The following ZNF286A variants were observed in gnomAD, a reference collection of about 807,000 sequenced individuals.
ZNF286A encodes zinc finger protein 286A.
ZNF286A carries 34 observed loss-of-function variants against 49.3 expected under a neutral mutation model. The ratio of observed to expected loss-of-function variants is 0.69; its 90% CI spans 0.52 to 0.92. ZNF286A has a LOEUF of 0.92. ZNF286A is among the 40% of genes least tolerant of loss of function. ZNF286A has a pLI of 0.00. For missense variants in ZNF286A, 462 were observed against 600.2 expected (o/e 0.77, Z 2.41); for synonymous variants, 155 against 200.4 (o/e 0.77, Z 1.91).
At chr17:15,711,935 G>A (rs1320522516) in intron 5 of ZNF286A, among the ~76,000 whole-genome samples, 1 of 139,590 alleles carries the variant, frequency 7.2e-6, no homozygotes, top group South Asian at 2.2e-4. Context: ...GCAGTGGTGC[G>A]ATCTTGGCTC....
intron 2 of ZNF286A, among the ~76,000 whole-genome samples, 155 bp from the exon 3 acceptor site, chr17:15,700,997 G>C (rs556972669): frequency 6.8e-6 from 1 of 146,766 alleles, no homozygotes; most frequent in South Asian, 2.3e-4. Context: ...CATATCCCGG[G>C]AAGAGGGTCC....
At chr17:15,709,775 A>G (rs1455371891) in intron 5 of ZNF286A, 2 of 1,535,404 alleles carry the variant, frequency 1.3e-6, no homozygotes, top group African/African-American at 2.8e-5. Context: ...TCATAAGTCC[A>G]CTGTATGAAT....
chr17:15,701,105 T>G (rs1306302189), intron 2 of ZNF286A, 47 bp from the exon 3 acceptor site: 1 of 1,580,992 alleles, frequency 6.3e-7, no homozygotes, highest in Admixed American at 1.7e-5. Flanking sequence ...TAAATCTGAG[T>G]GGCACGTTAA....
At chr17:15,705,948 C>A (rs1198542576) in intron 3 of ZNF286A, among the ~76,000 whole-genome samples, 1 of 152,142 alleles carries the variant, frequency 6.6e-6, no homozygotes, top group Non-Finnish European at 1.5e-5. Flanking sequence ...TCTCCATTTA[C>A]AAGTTCTGTA....
chr17:15,711,873 C>CT (rs769063767), intron 5 of ZNF286A, among the ~76,000 whole-genome samples: 21,734 of 79,546 alleles, frequency 0.27, 3,882 homozygotes, highest in East Asian at 0.5. Flanking sequence ...CCCCCCCCGG[C>CT]TTTTTTTTTT....
At chr17:15,705,711 G>T (rs1226032988) in intron 3 of ZNF286A, among the ~76,000 whole-genome samples, 1 of 152,068 alleles carries the variant, frequency 6.6e-6, no homozygotes, top group East Asian at 1.9e-4. Context: ...TATTCCTGTT[G>T]TCTATGGGTT....
chr17:15,708,590 C>G (rs1990418584), intron 5 of ZNF286A, among the ~76,000 whole-genome samples: 1 of 152,204 alleles, frequency 6.6e-6, no homozygotes, highest in South Asian at 2.1e-4. Context: ...TTACCAGCGC[C>G]TCTAGAAGCA....
At chr17:15,699,948 G>T (rs1989640500) in intron 1 of ZNF286A, 171 bp downstream of exon 1, 1 of 625,060 alleles carries the variant, frequency 1.6e-6, no homozygotes, top group South Asian at 1.9e-5. Context: ...CGGGGGACGC[G>T]GTTGTGCCAC....
At chr17:15,712,116 C>T (rs1305044712) in intron 5 of ZNF286A, among the ~76,000 whole-genome samples, 1 of 152,222 alleles carries the variant, frequency 6.6e-6, no homozygotes, top group Non-Finnish European at 1.5e-5. Context: ...TCATGATCCG[C>T]CCTCCTTGGC....
intron 5 of ZNF286A, among the ~76,000 whole-genome samples, chr17:15,714,015 T>G (rs1966897797): frequency 6.6e-6 from 1 of 152,104 alleles, no homozygotes; most frequent in African/African-American, 2.4e-5. Flanking sequence ...CTCAAATGAT[T>G]GCATGGTATA....
chr17:15,700,900 T>C (rs1321002925), intron 2 of ZNF286A, among the ~76,000 whole-genome samples: 1 of 115,686 alleles, frequency 8.6e-6, no homozygotes, highest in Admixed American at 8.5e-5. Context: ...ACTGACATAT[T>C]CTAATTTCTA....
chr17:15,706,326 C>A, intron 3 of ZNF286A, 61 bp from the exon 4 acceptor site: 1 of 1,415,914 alleles, frequency 7.1e-7, no homozygotes, highest in Non-Finnish European at 9.9e-7. Context: ...CCAGCAGAAA[C>A]TGGGGGATGA....
Position 15,718,617 on chromosome 17 carries a change from G to A in ZNF286A, c.*1327G>A, listed in dbSNP as rs1416471825. 3 of 151,386 alleles carry A rather than the reference G, an allele frequency of 2.0e-5. No homozygotes were observed. The highest frequency in any genetic ancestry group is 3.9e-4 in the East Asian group (2 of 5,148). 9.4% of individuals were successfully genotyped at this position (151,386 alleles called of 1,614,324 possible). ...CCTGTATGAGTGGAAAACAAGGCAC[G>A]GAAAATAGCTCACAGGATAGTCCTC... On this transcript the variant is annotated 3_prime_UTR_variant, in exon 6 of 6. Transcript: ENST00000583566.
rs745512945 is a variant in ZNF286A at position 15,716,290 on chromosome 17, A to G, written c.566A>G (p.His189Arg). The change falls in exon 6 of 6, where the codon CAT (histidine) becomes CGT (arginine). Residue 189 changes from histidine to arginine, a missense_variant. His to Arg is a conservative substitution (Grantham distance 29). Around this residue, in one of 3 missense-constraint regions of ZNF286A, gnomAD observed 259 missense variants for 272.2 expected, o/e 0.95. Transcript: ENST00000583566. ...AATTCACTCTCTGAGGAAACAGACC[A>G]TAAGCATGATGTATACTGGAAAAGC... ...HMNSLSEETD[H>R]KHDVYWKSFN... 5.6e-5 allele frequency: 91 copies of G among 1,613,934 alleles called. No individual in the cohort carries two copies. The highest frequency in any genetic ancestry group is 1.2e-4 in the Admixed American group (7 of 60,020).
At chr17:15,715,274 A>C (rs1216152329) in intron 5 of ZNF286A, among the ~76,000 whole-genome samples, 2 of 148,274 alleles carry the variant, frequency 1.3e-5, no homozygotes, top group Non-Finnish European at 3.0e-5. Flanking sequence ...TTTTTTCTTT[A>C]TAAAAAAGTA....
Position 15,709,735 on chromosome 17 carries a change from ATTATG to A in ZNF286A, c.334+1493_334+1497del. The A allele has an allele frequency of 8.3e-6, 11 of 1,323,498 alleles. No individual in the cohort carries two copies. In the South Asian group the frequency reaches 1.3e-4, roughly 16 times the overall value. 82.0% of individuals were successfully genotyped at this position (1,323,498 alleles called of 1,614,324 possible). On this transcript the variant is annotated intron_variant, in intron 5 of 5. Transcript: ENST00000583566. ...TATTAATCTATGTTAATATATATGAATTATGTTATTCATTTTAACTACTGTGGAGT... is the reference window on the plus strand; with the variant it reads ...TATTAATCTATGTTAATATATATGAATTATTCATTTTAACTACTGTGGAGT...
chr17:15,713,788 C>T (rs1267007340), intron 5 of ZNF286A, among the ~76,000 whole-genome samples: 3 of 150,808 alleles, frequency 2.0e-5, no homozygotes, highest in Non-Finnish European at 2.9e-5. Context: ...ATCAAGCTCT[C>T]GGTGGTAAAT....
chr17:15,713,011 A>G (rs1966869133), intron 5 of ZNF286A, among the ~76,000 whole-genome samples: 1 of 152,144 alleles, frequency 6.6e-6, no homozygotes. Context: ...GACCCTAAAG[A>G]TGTTTGATTT....
chr17:15,703,491 G>A (rs2151453203), intron 3 of ZNF286A, among the ~76,000 whole-genome samples: 1 of 151,688 alleles, frequency 6.6e-6, no homozygotes, highest in East Asian at 1.9e-4. Context: ...GTTCTTCAAT[G>A]TAATAAAGTG....
Sources: gnomAD v4.1 joint callset for allele counts (sites outside exome capture counted in the v4.1 genomes callset) on GRCh38, gnomAD v4.1.1 for gene constraint, gnomAD v4.1.1 regional missense constraint, MANE v1.5 for transcripts, NCBI Gene and HGNC (gene_info 2026-07-23, HGNC 2026-07-21) for gene names.